Variants in SORCS3 observed in about 807,000 individuals in gnomAD.
SORCS3 encodes sortilin related VPS10 domain containing receptor 3, also known as VPS10 domain-containing receptor SorCS3.
In SORCS3, 57 loss-of-function variants were observed where a neutral mutation model predicts 146.3. The ratio of observed to expected loss-of-function variants is 0.39; its 90% CI spans 0.31 to 0.49. SORCS3 has a LOEUF of 0.49. Among genes scored for constraint, SORCS3 ranks in the 20% least tolerant of loss-of-function variants. The pLI is 0.92. For synonymous variants in SORCS3, 653 were observed against 618.5 expected (o/e 1.06, Z -0.83); for missense variants, 1,341 against 1,575.5 (o/e 0.85, Z 2.52).
chr10:104,664,605 AG>A (rs1477290258), intron 1 of SORCS3: 1 of 152,204 alleles, frequency 6.6e-6, no homozygotes, highest in Non-Finnish European at 1.5e-5. Context: ...GAGTCATCAA[AG>A]CTTACTTTTA....
chr10:104,945,321 G>A (rs1354080021), intron 3 of SORCS3, among the ~76,000 whole-genome samples: 2 of 151,920 alleles, frequency 1.3e-5, no homozygotes, highest in African/African-American at 2.4e-5. Context: ...GCATGATCTC[G>A]GCTCAGGCTC....
chr10:105,181,422 A>G (rs1435171580), intron 14 of SORCS3, among the ~76,000 whole-genome samples: 5 of 152,124 alleles, frequency 3.3e-5, no homozygotes, highest in African/African-American at 1.2e-4. Context: ...GTGGAATGGC[A>G]TGTGGGCACA....
chr10:105,215,115 A>C (rs962668891), intron 18 of SORCS3, among the ~76,000 whole-genome samples: 2 of 152,216 alleles, frequency 1.3e-5, no homozygotes, highest in African/African-American at 4.8e-5. Flanking sequence ...TTTATAAAGA[A>C]TGTTGTATTA....
At chr10:104,901,721 T>G (rs751745923) in intron 2 of SORCS3, among the ~76,000 whole-genome samples, 13 of 152,228 alleles carry the variant, frequency 8.5e-5, no homozygotes, top group Non-Finnish European at 1.8e-4. Context: ...CCCTTGGCTT[T>G]CAGGCCTTGC....
intron 13 of SORCS3, among the ~76,000 whole-genome samples, chr10:105,176,594 G>A (rs1180880997): frequency 1.3e-5 from 2 of 151,932 alleles, no homozygotes; most frequent in Admixed American, 6.6e-5. Context: ...GGTGGCTCAT[G>A]CCTATAATCC....
At chr10:104,656,309 G>T (rs1442486586) in intron 1 of SORCS3, among the ~76,000 whole-genome samples, 2 of 152,018 alleles carry the variant, frequency 1.3e-5, no homozygotes, top group African/African-American at 2.4e-5. Context: ...ATGAGATGAA[G>T]CTAGACAGGC....
intron 1 of SORCS3, among the ~76,000 whole-genome samples, chr10:104,667,231 C>T (rs930145832): frequency 1.3e-5 from 2 of 152,204 alleles, no homozygotes; most frequent in African/African-American, 2.4e-5. Flanking sequence ...ACTGTGCTCA[C>T]ATATGTACTG....
At chr10:105,162,416 A>T (rs567866664) in intron 11 of SORCS3, among the ~76,000 whole-genome samples, 2 of 151,684 alleles carry the variant, frequency 1.3e-5, no homozygotes, top group East Asian at 3.9e-4. Context: ...CTCCAATTCC[A>T]CTTCAGCCAG....
At chr10:105,043,246 T>G in intron 5 of SORCS3, 118 bp downstream of exon 5, 1 of 855,854 alleles carries the variant, frequency 1.2e-6, no homozygotes, top group Non-Finnish European at 1.9e-6. Flanking sequence ...AGTCCTTTGC[T>G]ACACAGAGTG....
chr10:105,259,585 A>G lies in SORCS3; in HGVS notation c.3443+2661A>G, dbSNP rs955780298. Among the ~76,000 whole-genome samples, 3 of 152,176 alleles carry G rather than the reference A, an allele frequency of 2.0e-5. No individual in the cohort carries two copies. In the South Asian group the frequency reaches 6.2e-4, roughly 32 times the overall value. Reference sequence around the variant, plus strand: ...CTTGGATAGTGACTGCTATTTTCTTATATCTCAAGTAATGTAATTAAAAAT... The same window carrying G: ...CTTGGATAGTGACTGCTATTTTCTTGTATCTCAAGTAATGTAATTAAAAAT... On this transcript the variant is annotated intron_variant, in intron 25 of 26. Coordinates refer to ENST00000369701, the MANE Select transcript of SORCS3 (RefSeq NM_014978.3).
At chr10:105,255,058 T>G (rs371185810) in intron 23 of SORCS3, among the ~76,000 whole-genome samples, 3 of 149,934 alleles carry the variant, frequency 2.0e-5, no homozygotes, top group East Asian at 4.1e-4. Flanking sequence ...CGAGGAGGCG[T>G]GCGCTTGTAG....
At chr10:105,168,596 G>A (rs887266183) in intron 13 of SORCS3, among the ~76,000 whole-genome samples, 4 of 152,092 alleles carry the variant, frequency 2.6e-5, no homozygotes, top group Non-Finnish European at 5.9e-5. Flanking sequence ...AGATAAACAA[G>A]TTTAGAGTAA....
chr10:105,218,715 A>G (rs2056679789), intron 19 of SORCS3, among the ~76,000 whole-genome samples: 1 of 152,146 alleles, frequency 6.6e-6, no homozygotes, highest in Non-Finnish European at 1.5e-5. Flanking sequence ...ATAAACCTCC[A>G]ATTTCTTATC....
At chr10:104,774,929 G>A (rs1247883478) in intron 1 of SORCS3, among the ~76,000 whole-genome samples, 1 of 152,128 alleles carries the variant, frequency 6.6e-6, no homozygotes, top group Non-Finnish European at 1.5e-5. Flanking sequence ...CTTGTTTTAT[G>A]TTCTAATTCC....
In SORCS3 at chr10:104,922,270, C is replaced by T. The variant is rs575912332; in HGVS notation, c.795+6338C>T. ...TCCACAAATATTAAAGTCTCTTACACTAAAGTAAGGCCAAAAAGGTGGAAA... is the reference window on the plus strand; with the variant it reads ...TCCACAAATATTAAAGTCTCTTACATTAAAGTAAGGCCAAAAAGGTGGAAA... On this transcript the variant is annotated intron_variant, in intron 3 of 26. Coordinates refer to ENST00000369701, the MANE Select transcript of SORCS3 (RefSeq NM_014978.3). Among the ~76,000 whole-genome samples, 8 of 152,290 alleles carry T rather than the reference C, an allele frequency of 5.3e-5. No individual in the cohort carries two copies. The East Asian group carries it at 1.2e-3, about 22-fold the overall frequency.
chr10:105,155,382 G>T (rs950637723), intron 9 of SORCS3, among the ~76,000 whole-genome samples: 50 of 152,154 alleles, frequency 3.3e-4, no homozygotes, highest in Non-Finnish European at 5.9e-5. Flanking sequence ...CATCCAAGAA[G>T]TGGATAGCAA....
rs189070198 is a variant in SORCS3 at position 104,969,295 on chromosome 10, A to G, written c.796-8040A>G. On this transcript the variant is annotated intron_variant, in intron 3 of 26. Coordinates refer to ENST00000369701, the MANE Select transcript of SORCS3 (RefSeq NM_014978.3). ...GGGCGGGTTTCTCAGAGATGCTTTCAAAAAGGATTGTGTGTGTGTGTGTGT... is the reference window on the plus strand; with the variant it reads ...GGGCGGGTTTCTCAGAGATGCTTTCGAAAAGGATTGTGTGTGTGTGTGTGT... Among the ~76,000 whole-genome samples the G allele has an allele frequency of 3.0e-3, 428 of 143,942 alleles. 4 individuals carry two copies. The highest frequency in any genetic ancestry group is 0.01 in the African/African-American group (383 of 38,296). 94.4% of individuals were successfully genotyped at this position (143,942 alleles called of 152,430 possible).
chr10:105,039,501 G>C (rs1445761584), intron 4 of SORCS3, among the ~76,000 whole-genome samples: 2 of 138,646 alleles, frequency 1.4e-5, no homozygotes, highest in Non-Finnish European at 3.0e-5. Flanking sequence ...CTGTCACCCA[G>C]GCTGGAGTGC....
At chr10:105,013,772 A>G (rs1359928404) in intron 4 of SORCS3, among the ~76,000 whole-genome samples, 1 of 152,142 alleles carries the variant, frequency 6.6e-6, no homozygotes, top group Non-Finnish European at 1.5e-5. Context: ...CTCTGTTTCA[A>G]TACAAATCAA....
Sources: allele counts gnomAD v4.1 joint callset (sites outside exome capture counted in the v4.1 genomes callset), GRCh38; gene constraint gnomAD v4.1.1; transcripts MANE v1.5; gene names NCBI Gene and HGNC (gene_info 2026-07-23, HGNC 2026-07-21).